GRID2: variants seen among roughly 807,000 people sequenced by gnomAD.
GRID2 encodes glutamate ionotropic receptor delta type subunit 2.
GRID2 carries 33 observed loss-of-function variants against 114.8 expected under a neutral mutation model. The observed-to-expected ratio is 0.29, with a 90% CI of 0.22 to 0.38. The LOEUF is 0.38. Among genes scored for constraint, GRID2 ranks in the 10% least tolerant of loss-of-function variants. The probability of loss-of-function intolerance (pLI) is 1.00; values close to 1 mark genes in which losing one functional copy is unlikely to be tolerated. For synonymous variants in GRID2, 505 were observed against 449.9 expected (o/e 1.12, Z -1.55); for missense variants, 1,184 against 1,257.7 (o/e 0.94, Z 0.89).
intron 14 of GRID2, among the ~76,000 whole-genome samples, chr4:93,683,871 T>G (rs897746778): frequency 1.3e-5 from 2 of 152,070 alleles, no homozygotes; most frequent in Non-Finnish European, 2.9e-5. Context: ...ACTGTTAAAG[T>G]AAAAATTACT....
rs538500210 is a variant in GRID2, at chr4:92,837,807, A to G, written c.245-247188A>G. 4.6e-5 allele frequency among the ~76,000 whole-genome samples: 7 copies of G among 152,224 alleles called. No homozygotes were observed. The South Asian group carries it at 1.2e-3, about 27-fold the overall frequency. ...TTAATTGCACGCAAATACATGCTCT[A>G]TCATAAATTAACAACAACCTAATTG... On this transcript the variant is annotated intron_variant, in intron 2 of 15. Transcript: ENST00000282020.
intron 1 of GRID2, among the ~76,000 whole-genome samples, chr4:92,380,726 G>A (rs1461775156): frequency 1.3e-5 from 2 of 151,944 alleles, no homozygotes; most frequent in Non-Finnish European, 2.9e-5. Flanking sequence ...ATATGATGTA[G>A]TTGCTTCTGG....
intron 13 of GRID2, among the ~76,000 whole-genome samples, chr4:93,602,144 T>A (rs1334422760): frequency 6.6e-6 from 1 of 152,248 alleles, no homozygotes; most frequent in Non-Finnish European, 1.5e-5. Context: ...CTTCATTTTA[T>A]AAGAAAATCT....
At chr4:92,749,027 C>A (rs1737300838) in intron 2 of GRID2, among the ~76,000 whole-genome samples, 1 of 149,532 alleles carries the variant, frequency 6.7e-6, no homozygotes, top group Non-Finnish European at 1.5e-5. Context: ...CGGAGTCTTG[C>A]TCTGTCACCA....
chr4:93,498,091 G>A (rs1450486269), intron 12 of GRID2, among the ~76,000 whole-genome samples: 1 of 151,654 alleles, frequency 6.6e-6, no homozygotes, highest in Non-Finnish European at 1.5e-5. Flanking sequence ...AAACGTTCTT[G>A]GTATCTCGAT....
At chr4:93,079,817 A>C (rs2149316204) in intron 2 of GRID2, among the ~76,000 whole-genome samples, 1 of 152,272 alleles carries the variant, frequency 6.6e-6, no homozygotes, top group African/African-American at 2.4e-5. Context: ...GTGAAAAAAT[A>C]GTTGACTGAA....
chr4:93,685,387 GT>G (rs1386943416), intron 14 of GRID2, among the ~76,000 whole-genome samples: 1 of 152,032 alleles, frequency 6.6e-6, no homozygotes, highest in African/African-American at 2.4e-5. Flanking sequence ...CCTCAAAGAG[GT>G]GTTCCTTGAC....
chr4:93,731,338 T>G (rs1730466089), intron 14 of GRID2, among the ~76,000 whole-genome samples: 1 of 151,540 alleles, frequency 6.6e-6, no homozygotes, highest in Non-Finnish European at 1.5e-5. Flanking sequence ...GCAAAGACAA[T>G]GAAAATTAGA....
intron 1 of GRID2, among the ~76,000 whole-genome samples, chr4:92,448,827 A>G (rs986200762): frequency 4.6e-5 from 7 of 152,118 alleles, no homozygotes; most frequent in Admixed American, 4.6e-4. Flanking sequence ...TAACAGGAAC[A>G]TGTTTTAAAG....
intron 2 of GRID2, among the ~76,000 whole-genome samples, chr4:92,865,682 C>CA (rs1314609287): frequency 1.3e-5 from 2 of 152,074 alleles, no homozygotes; most frequent in Non-Finnish European, 2.9e-5. Context: ...ATATAGAGTA[C>CA]AAAAATAAGA....
In GRID2 at chr4:93,248,909, G is replaced by A. The variant is rs147495130; in HGVS notation, c.1245+10419G>A. On this transcript the variant is annotated intron_variant, in intron 8 of 15. Coordinates refer to ENST00000282020, the MANE Select transcript of GRID2 (RefSeq NM_001510.4). ...ACACCTGACCCATTGGAGCTATTTAGACATCACTAAGACATTAGTCCTAAT... is the reference window on the plus strand; with the variant it reads ...ACACCTGACCCATTGGAGCTATTTAAACATCACTAAGACATTAGTCCTAAT... 1.3e-3 allele frequency among the ~76,000 whole-genome samples: 204 copies of A among 152,204 alleles called. 1 individual carries two copies. The Middle Eastern group carries it at 0.017, about 13-fold the overall frequency.
At chr4:93,312,995 AAG>A (rs1294740857) in intron 8 of GRID2, among the ~76,000 whole-genome samples, 1 of 152,192 alleles carries the variant, frequency 6.6e-6, no homozygotes, top group Non-Finnish European at 1.5e-5. Context: ...GACATGGAAA[AAG>A]AAATTGCAGC....
chr4:92,867,450 G>A (rs10516917), intron 2 of GRID2, among the ~76,000 whole-genome samples: 4,076 of 152,174 alleles, frequency 0.027, 89 homozygotes, highest in Non-Finnish European at 0.041. Flanking sequence ...AGAGAAGACA[G>A]TGCAGTTCCA....
intron 1 of GRID2, among the ~76,000 whole-genome samples, chr4:92,419,743 C>T (rs1053344311): frequency 6.6e-6 from 1 of 151,932 alleles, no homozygotes; most frequent in Non-Finnish European, 1.5e-5. Flanking sequence ...CTTAAAAACC[C>T]ATCTCTAAGA....
At chr4:93,170,903 T>G (rs1345981657) in intron 4 of GRID2, among the ~76,000 whole-genome samples, 2 of 152,088 alleles carry the variant, frequency 1.3e-5, no homozygotes, top group Non-Finnish European at 2.9e-5. Flanking sequence ...CCATTTAGCT[T>G]TACTTTTAAA....
chr4:93,779,828 A>T (rs1487223160), intron 1 of GRID2, among the ~76,000 whole-genome samples: 1 of 152,210 alleles, frequency 6.6e-6, no homozygotes, highest in Non-Finnish European at 1.5e-5. Flanking sequence ...GTAGACCACG[A>T]TGTCTGGAAT....
At chr4:92,556,613 C>T (rs1726861474) in intron 1 of GRID2, among the ~76,000 whole-genome samples, 2 of 152,206 alleles carry the variant, frequency 1.3e-5, no homozygotes, top group African/African-American at 4.8e-5. Context: ...CAGGGTCCTT[C>T]ACAAGATTGC....
At chr4:93,338,955 G>T (rs996113451) in intron 8 of GRID2, among the ~76,000 whole-genome samples, 8 of 152,090 alleles carry the variant, frequency 5.3e-5, no homozygotes, top group Non-Finnish European at 1.0e-4. Context: ...GAGTCATTGT[G>T]ATTTCGGCCT....
intron 2 of GRID2, among the ~76,000 whole-genome samples, chr4:92,777,907 T>C (rs918736932): frequency 6.6e-6 from 1 of 152,132 alleles, no homozygotes; most frequent in African/African-American, 2.4e-5. Context: ...GTCTGTGGTA[T>C]TGGGTATTTT....
Sources: gnomAD v4.1 joint callset for allele counts (sites outside exome capture counted in the v4.1 genomes callset) on GRCh38, gnomAD v4.1.1 for gene constraint, MANE v1.5 for transcripts, NCBI Gene and HGNC (gene_info 2026-07-23, HGNC 2026-07-21) for gene names.